The following EPHB3 variants were observed in gnomAD, a reference collection of about 807,000 sequenced individuals.
EPHB3 encodes the protein ephrin type-B receptor 3.
EPHB3 carries 33 observed loss-of-function variants against 100.2 expected under a neutral mutation model. The ratio of observed to expected loss-of-function variants is 0.33; its 90% CI spans 0.25 to 0.44. The LOEUF (loss-of-function observed/expected upper bound fraction) is 0.44, where lower values mean the gene tolerates loss of function less well. Ranked by LOEUF, EPHB3 falls within the 20% of genes least tolerant of loss-of-function variation. EPHB3 has a pLI of 1.00. For synonymous variants in EPHB3, 526 were observed against 554.7 expected (o/e 0.95, Z 0.73); for missense variants, 1,045 against 1,378.3 (o/e 0.76, Z 3.83).
In EPHB3 at chr3:184,580,498, C is replaced by T. The variant is rs1289356410; in HGVS notation, c.2269C>T (p.Arg757Cys). Residue 757 changes from arginine (R) to cysteine (C), a missense_variant, in exon 12 of 16, where the codon CGC (arginine) becomes TGC (cysteine). This residue lies in a region of EPHB3 where 985 missense variants were observed against 1,331.1 expected (regional missense o/e 0.74). Coordinates refer to ENST00000330394, the MANE Select transcript of EPHB3 (RefSeq NM_004443.4). ...CCTGTCCGAGATGAACTATGTGCAC[C>T]GCGACCTGGCTGCTCGCAACATCCT... Reference protein sequence around the residue: ...KYLSEMNYVHRDLAARNILVN... With the variant: ...KYLSEMNYVHCDLAARNILVN... The T allele has an allele frequency of 6.8e-6, 11 of 1,614,206 alleles. No homozygotes were observed. The highest frequency in any genetic ancestry group is 1.3e-5 in the African/African-American group (1 of 75,058).
chr3:184,580,082 C>A, intron 11 of EPHB3, 148 bp downstream of exon 11: 1 of 1,272,784 alleles, frequency 7.9e-7, no homozygotes, highest in Non-Finnish European at 1.1e-6. Context: ...CCTTCATAGC[C>A]ATAAGTATGG....
chr3:184,576,749 G>A, intron 4 of EPHB3, 93 bp from the exon 5 acceptor site: 1 of 1,298,194 alleles, frequency 7.7e-7, no homozygotes, highest in South Asian at 1.6e-5. Flanking sequence ...AGGCAAGGAG[G>A]TAGAAAGCAG....
chr3:184,577,579 G>A lies in EPHB3; in HGVS notation c.1480-79G>A. The stretch of plus-strand genomic sequence containing the variant: ...AAGGCCTTGGGTATGGAGGGGGCAT[G>A]TGGCAGGCCTGGGTGTGAATAGGGG... On this transcript the variant is annotated intron_variant, in intron 6 of 15. Transcript: ENST00000330394. The surrounding 1 kb of genome is among the most constrained non-coding windows in gnomAD (Gnocchi z 4.9). 4.4e-6 allele frequency: 7 copies of A among 1,574,316 alleles called. No individual in the cohort carries two copies. The Admixed American group carries it at 5.2e-5, about 12-fold the overall frequency.
chr3:184,570,647 C>T (rs1714515343), intron 1 of EPHB3, among the ~76,000 whole-genome samples: 1 of 152,218 alleles, frequency 6.6e-6, no homozygotes. Context: ...GGAACGGAGT[C>T]AGGGGAGGCC....
rs918267863 is a variant in EPHB3 at position 184,573,612 on chromosome 3, C to T, written c.856+436C>T. ...ATGGCTTTTTACCCTGGGCTCTCTG[C>T]CCCTTGGGAGGCAGTATATAAATGG... On this transcript the variant is annotated intron_variant, in intron 3 of 15. Transcript: ENST00000330394. The surrounding 1 kb of genome is among the most constrained non-coding windows in gnomAD (Gnocchi z 4.5). Among the ~76,000 whole-genome samples, 3 of 152,274 alleles carry T rather than the reference C, an allele frequency of 2.0e-5. No individual in the cohort carries two copies. Among genetic ancestry groups the T allele is most frequent in the Non-Finnish European group, 4.4e-5 (3 of 68,030 alleles).
chr3:184,564,282 C>T (rs911870175), intron 1 of EPHB3, among the ~76,000 whole-genome samples: 1 of 152,244 alleles, frequency 6.6e-6, no homozygotes, highest in African/African-American at 2.4e-5. Context: ...TGGGAAGCAG[C>T]GGTGCCTACA....
rs1403827254 is a variant in EPHB3 at position 184,578,340 on chromosome 3, AG to A, written c.1749-73del. On this transcript the variant is annotated intron_variant, in intron 8 of 15. Coordinates refer to ENST00000330394, the MANE Select transcript of EPHB3 (RefSeq NM_004443.4). The surrounding 1 kb of genome is among the most constrained non-coding windows in gnomAD (Gnocchi z 4.7). ...CTGTATCCTCTCCGCCCCTTCTGTG[AG>A]CCCAAGGGTGCCCTGAACAAAGGGA... is the stretch of plus-strand genomic sequence containing the variant. The A allele has an allele frequency of 6.2e-7, 1 of 1,604,260 alleles. No individual in the cohort carries two copies. Among genetic ancestry groups the A allele is most frequent in the East Asian group, 2.2e-5 (1 of 44,764 alleles).
In EPHB3 at chr3:184,575,999, T is replaced by C. The variant is rs202057734; in HGVS notation, c.1012+14T>C. On this transcript the variant is annotated intron_variant, in intron 4 of 15. Transcript: ENST00000330394. ...GTGCCTGTACCAGTGAGTGAACGCGTGACCTCTCTTTCCCTCTGCAGGCCT... is the reference window on the plus strand; with the variant it reads ...GTGCCTGTACCAGTGAGTGAACGCGCGACCTCTCTTTCCCTCTGCAGGCCT... 3,293 of 1,599,486 alleles carry C rather than the reference T, an allele frequency of 2.1e-3. 5 individuals are homozygous for C. The highest frequency in any genetic ancestry group is 2.4e-3 in the Non-Finnish European group (2,841 of 1,171,288).
At chr3:184,568,599 C>A (rs1223407510) in intron 1 of EPHB3, among the ~76,000 whole-genome samples, 1 of 150,824 alleles carries the variant, frequency 6.6e-6, no homozygotes, top group Admixed American at 6.6e-5. Context: ...ATGACCCCCC[C>A]CCCACATCCC....
rs575968180 is a variant in EPHB3 at position 184,563,342 on chromosome 3, C to T, written c.118+989C>T. 3.9e-5 allele frequency among the ~76,000 whole-genome samples: 6 copies of T among 152,156 alleles called. No individual in the cohort carries two copies. The highest frequency in any genetic ancestry group is 7.4e-5 in the Non-Finnish European group (5 of 67,998). ...ACCTTCCCTAAAGTGGAGGGAGGGA[C>T]GCCACAGAAATTCGAGGGCAATTGG... On this transcript the variant is annotated intron_variant, in intron 1 of 15. Transcript: ENST00000330394. The surrounding 1 kb of genome is among the most constrained non-coding windows in gnomAD (Gnocchi z 4.1).
chr3:184,577,778 T>C lies in EPHB3; in HGVS notation c.1600T>C (p.Tyr534His). The C allele has an allele frequency of 6.2e-7, 1 of 1,609,142 alleles. No homozygotes were observed. The highest frequency in any genetic ancestry group is 8.5e-7 in the Non-Finnish European group (1 of 1,176,466). The change falls in exon 7 of 16, where the codon TAC becomes CAC. Residue 534 changes from tyrosine (Y) to histidine (H), a missense_variant. Coordinates refer to ENST00000330394, the MANE Select transcript of EPHB3 (RefSeq NM_004443.4). The surrounding 1 kb of genome is among the most constrained non-coding windows in gnomAD (Gnocchi z 4.9). ...RARTVAGYGQYSRPAEFETTS... is the reference protein window; with the variant it reads ...RARTVAGYGQHSRPAEFETTS... ...CCGCACAGTAGCTGGCTATGGGCAG[T>C]ACAGCCGCCCTGCCGAGTTTGAGAC... is the stretch of plus-strand genomic sequence containing the variant.
Position 184,581,162 on chromosome 3 carries a change from C to G in EPHB3, c.2729C>G (p.Ser910Cys). 1.9e-6 allele frequency: 3 copies of G among 1,613,902 alleles called. No homozygotes were observed. The highest frequency in any genetic ancestry group is 2.5e-6 in the Non-Finnish European group (3 of 1,179,848). Residue 910 changes from serine (S) to cysteine (C), a missense_variant, in exon 14 of 16, where the codon TCT (serine) becomes TGT (cysteine). Ser to Cys is a moderately radical substitution (Grantham distance 112). Around this residue, in one of 2 missense-constraint regions of EPHB3, gnomAD observed 985 missense variants for 1,331.1 expected, o/e 0.74. Transcript: ENST00000330394. ...ASLKVIASAQ[S>C]GMSQPLLDRT... ...CTCAAGGTCATTGCCAGCGCTCAGTCTGGGTTAGTACCTCTGCCTCTGCTC... is the reference window on the plus strand; with the variant it reads ...CTCAAGGTCATTGCCAGCGCTCAGTGTGGGTTAGTACCTCTGCCTCTGCTC...
chr3:184,581,660 A>T lies in EPHB3; in HGVS notation c.*38A>T. 1.3e-6 allele frequency: 2 copies of T among 1,528,738 alleles called. No homozygotes were observed. Among genetic ancestry groups the T allele is most frequent in the Non-Finnish European group, 1.8e-6 (2 of 1,137,974 alleles). 94.7% of individuals were successfully genotyped at this position (1,528,738 alleles called of 1,614,324 possible). A position where few individuals can be genotyped will look rare whatever the true frequency, so the allele number is the denominator to read the frequency against. On this transcript the variant is annotated 3_prime_UTR_variant, in exon 16 of 16. Coordinates refer to ENST00000330394, the MANE Select transcript of EPHB3 (RefSeq NM_004443.4). ...CGGGGACCCTGAGGACCGTGCAGGG[A>T]TGCCAAGCAGCCGGCTGGACTTTCG...
rs374692985 is a variant in EPHB3, at chr3:184,578,447, G to C, written c.1782G>C (p.Thr594=). Residue 594 remains threonine, a synonymous_variant, in exon 9 of 16, where the codon ACG becomes ACC. Coordinates refer to ENST00000330394, the MANE Select transcript of EPHB3 (RefSeq NM_004443.4). This position sits in a 1 kb window ranked among gnomAD's most constrained non-coding sequence, Gnocchi z 4.7. Reference sequence around the variant, plus strand: ...GACACGGCTCTGATTCGGAGTACACGGAGAAGCTGCAGCAGTACAGTGAGT... The same window carrying C: ...GACACGGCTCTGATTCGGAGTACACCGAGAAGCTGCAGCAGTACAGTGAGT... ...KQRHGSDSEY[T]EKLQQYIAPG... is the part of the protein sequence containing the mutation. The C allele has an allele frequency of 6.2e-7, 1 of 1,613,904 alleles. No individual in the cohort carries two copies. Among genetic ancestry groups the C allele is most frequent in the Non-Finnish European group, 8.5e-7 (1 of 1,179,964 alleles).
Position 184,569,753 on chromosome 3 carries a change from G to C in EPHB3, c.119-1565G>C, listed in dbSNP as rs1334601517. Among the ~76,000 whole-genome samples, 1 of 152,264 alleles carries C rather than the reference G, an allele frequency of 6.6e-6. No homozygotes were observed. The highest frequency in any genetic ancestry group is 1.9e-4 in the East Asian group (1 of 5,198). ...ACCCACGGGGTCCTCCGCCGTCCTC[G>C]GCTCAGACCCAGCCTCCGGGAAACC... On this transcript the variant is annotated intron_variant, in intron 1 of 15. Transcript: ENST00000330394. The surrounding 1 kb of genome is among the most constrained non-coding windows in gnomAD (Gnocchi z 5.4).
Position 184,581,601 on chromosome 3 carries a change from G to C in EPHB3, c.2976G>C (p.Gln992His). ...AGGACATGCGGCTGCAGATGAACCA[G>C]ACGCTGCCTGTGCAGGTCTGACACC... is the stretch of plus-strand genomic sequence containing the variant. ...SIQDMRLQMN[Q>H]TLPVQV Residue 992 changes from glutamine to histidine, a missense_variant, in exon 16 of 16, where the codon CAG becomes CAC. Physicochemically the swap from Gln to His is conservative, Grantham distance 24. This residue lies in a region of EPHB3 where 985 missense variants were observed against 1,331.1 expected (regional missense o/e 0.74). Transcript: ENST00000330394. 6.2e-7 allele frequency: 1 copy of C among 1,612,762 alleles called. No homozygotes were observed. Among genetic ancestry groups the C allele is most frequent in the Non-Finnish European group, 8.5e-7 (1 of 1,179,466 alleles).
rs1220587123 is a variant in EPHB3 at position 184,571,810 on chromosome 3, A to G, written c.183+428A>G. Among the ~76,000 whole-genome samples, 1 of 152,152 alleles carries G rather than the reference A, an allele frequency of 6.6e-6. No individual in the cohort carries two copies. The highest frequency in any genetic ancestry group is 2.4e-5 in the African/African-American group (1 of 41,418). On this transcript the variant is annotated intron_variant, in intron 2 of 15. Coordinates refer to ENST00000330394, the MANE Select transcript of EPHB3 (RefSeq NM_004443.4). The surrounding 1 kb of genome is among the most constrained non-coding windows in gnomAD (Gnocchi z 5.0). ...CACTTCTTGACTGTTAAATTCCCGC[A>G]GTCCGGACCTCTCTCACATATTCTA...
At position 184,562,933 on chromosome 3, in the gene EPHB3, G is replaced by A. The variant is rs2108432896; in HGVS notation, c.118+580G>A. On this transcript the variant is annotated intron_variant, in intron 1 of 15. Coordinates refer to ENST00000330394, the MANE Select transcript of EPHB3 (RefSeq NM_004443.4). The surrounding 1 kb of genome is among the most constrained non-coding windows in gnomAD (Gnocchi z 4.8). ...CGAGGTGCTGTATGGGCGGGCCCCC[G>A]CACCCTTTGTGGAGGCTCCCTCTCC... Among the ~76,000 whole-genome samples the A allele has an allele frequency of 6.6e-6, 1 of 152,344 alleles. No homozygotes were observed. Among genetic ancestry groups the A allele is most frequent in the South Asian group, 2.1e-4 (1 of 4,832 alleles).
At position 184,573,698 on chromosome 3, in the gene EPHB3, G is replaced by A. The variant is rs1319485508; in HGVS notation, c.856+522G>A. 4.0e-5 allele frequency among the ~76,000 whole-genome samples: 6 copies of A among 151,150 alleles called. No homozygotes were observed. The highest frequency in any genetic ancestry group is 6.6e-5 in the Admixed American group (1 of 15,160). On this transcript the variant is annotated intron_variant, in intron 3 of 15. Transcript: ENST00000330394. This position sits in a 1 kb window ranked among gnomAD's most constrained non-coding sequence, Gnocchi z 4.5. Reference sequence around the variant, plus strand: ...CCTGACTCTGTCACTTACCACTTACGTGACCTTGGGCAAGTTACTTTTTTT... The same window carrying A: ...CCTGACTCTGTCACTTACCACTTACATGACCTTGGGCAAGTTACTTTTTTT...
Sources: gnomAD v4.1 joint callset for allele counts (sites outside exome capture counted in the v4.1 genomes callset) on GRCh38, gnomAD v4.1.1 for gene constraint, gnomAD v4.1.1 regional missense constraint, Gnocchi (gnomAD v3.1) non-coding constraint, MANE v1.5 for transcripts, NCBI Gene and HGNC (gene_info 2026-07-23, HGNC 2026-07-21) for gene names.